ACSF3: variants seen among roughly 807,000 people sequenced by gnomAD.
ACSF3 encodes acyl-CoA synthetase family member 3, also known as malonate--CoA ligase ACSF3, mitochondrial.
A neutral mutation model predicts 53.2 loss-of-function variants in ACSF3; 78 were observed. The ratio of observed to expected loss-of-function variants is 1.47; its 90% confidence interval spans 1.22 to 1.77. ACSF3 has a LOEUF of 1.77. ACSF3 is among the 40% of genes most tolerant of loss of function. The probability of loss-of-function intolerance (pLI) is 0.00; values close to 1 mark genes in which losing one functional copy is unlikely to be tolerated. For missense variants in ACSF3, 937 were observed against 771.1 expected (o/e 1.22, Z -2.55); for synonymous variants, 414 against 333.1 (o/e 1.24, Z -2.65).
chr16:89,134,457 C>G (rs898469681), intron 8 of ACSF3, among the ~76,000 whole-genome samples: 4 of 152,106 alleles, frequency 2.6e-5, no homozygotes, highest in African/African-American at 9.7e-5. Flanking sequence ...GGACACCCTG[C>G]GGGATCCGGA....
At chr16:89,117,340 G>A (rs530946025) in intron 6 of ACSF3, among the ~76,000 whole-genome samples, 5 of 152,328 alleles carry the variant, frequency 3.3e-5, no homozygotes, top group Admixed American at 3.3e-4. Flanking sequence ...GCTGGTGAGT[G>A]ATGCACTTCC....
chr16:89,096,760 A>G (rs977604413), intron 1 of ACSF3, among the ~76,000 whole-genome samples: 1 of 152,172 alleles, frequency 6.6e-6, no homozygotes, highest in African/African-American at 2.4e-5. Context: ...TGGCTAGGCC[A>G]GGCCCTTCTC....
chr16:89,153,891 C>G (rs930265215), intron 10 of ACSF3, 199 bp from the exon 11 acceptor site: 2 of 619,458 alleles, frequency 3.2e-6, no homozygotes, highest in South Asian at 1.9e-5. Flanking sequence ...TGCCGGGCAC[C>G]TCCTGCAGTC....
At chr16:89,112,360 T>G (rs1976795378) in intron 5 of ACSF3, 114 bp downstream of exon 5, 8 of 1,387,550 alleles carry the variant, frequency 5.8e-6, no homozygotes, top group Non-Finnish European at 8.1e-6. Context: ...TTCCATTTCC[T>G]TTCAATGTTC....
intron 8 of ACSF3, among the ~76,000 whole-genome samples, chr16:89,144,501 C>G (rs1322674678): frequency 1.3e-5 from 2 of 152,226 alleles, no homozygotes; most frequent in African/African-American, 4.8e-5. Flanking sequence ...CCTCTCCCAT[C>G]CAGAGGGGCT....
intron 4 of ACSF3, among the ~76,000 whole-genome samples, chr16:89,107,024 A>G (rs1270563846): frequency 6.6e-6 from 1 of 152,232 alleles, no homozygotes; most frequent in Non-Finnish European, 1.5e-5. Context: ...CTTCCTCAGG[A>G]TCGCAGCATG....
chr16:89,123,752 G>A (rs900889380), intron 7 of ACSF3, among the ~76,000 whole-genome samples: 11 of 152,172 alleles, frequency 7.2e-5, no homozygotes, highest in Non-Finnish European at 1.6e-4. Flanking sequence ...GGGGATGGGA[G>A]GACACCTTCC....
intron 1 of ACSF3, among the ~76,000 whole-genome samples, chr16:89,094,352 G>A (rs1237209719): frequency 2.0e-5 from 3 of 152,244 alleles, no homozygotes; most frequent in Non-Finnish European, 4.4e-5. Flanking sequence ...GGCTTCAGAA[G>A]TCACCCTTGA....
chr16:89,122,805 TA>T (rs1254504500), intron 7 of ACSF3: 1 of 152,432 alleles, frequency 6.6e-6, no homozygotes, highest in African/African-American at 2.4e-5. Flanking sequence ...ATTTCTGTCT[TA>T]AATTAAAACA....
intron 7 of ACSF3, among the ~76,000 whole-genome samples, chr16:89,131,956 CCA>C (rs1357064644): frequency 1.6e-4 from 25 of 151,630 alleles, no homozygotes; most frequent in African/African-American, 5.6e-4. Flanking sequence ...CTGGAGGAGC[CCA>C]GGCTGGCGGG....
intron 5 of ACSF3, chr16:89,113,844 C>G (rs1682777810): frequency 3.6e-6 from 1 of 277,070 alleles, no homozygotes; most frequent in Non-Finnish European, 7.1e-6. Flanking sequence ...CCGGCCCCAC[C>G]CCTTGGGTGC....
At chr16:89,100,055 G>A (rs1197127515) in intron 2 of ACSF3, among the ~76,000 whole-genome samples, 2 of 151,264 alleles carry the variant, frequency 1.3e-5, no homozygotes, top group African/African-American at 4.9e-5. Flanking sequence ...GCCACAGGAT[G>A]GCATGAGCCC....
Position 89,134,585 on chromosome 16 carries a change from T to C in ACSF3, c.1366+1323T>C, listed in dbSNP as rs1014559902. Reference sequence around the variant, plus strand: ...CAGAAGAGAGTGTAGTTGCAAGATTTAATAGAGTGAAAACAGAGCTCCCAT... The same window carrying C: ...CAGAAGAGAGTGTAGTTGCAAGATTCAATAGAGTGAAAACAGAGCTCCCAT... On this transcript the variant is annotated intron_variant, in intron 8 of 10. Transcript: ENST00000614302. 2.6e-5 allele frequency among the ~76,000 whole-genome samples: 4 copies of C among 152,280 alleles called. 1 individual carries two copies. The South Asian group carries it at 6.2e-4, about 24-fold the overall frequency.
intron 7 of ACSF3, 78 bp downstream of exon 7, chr16:89,120,991 T>A (rs1906516999): frequency 9.1e-6 from 12 of 1,319,902 alleles, no homozygotes; most frequent in Non-Finnish European, 1.2e-5. Context: ...CTGGTGCATC[T>A]TTCCCCTGGA....
Position 89,137,673 on chromosome 16 carries a change from C to T in ACSF3, c.1366+4411C>T, listed in dbSNP as rs549256662. On this transcript the variant is annotated intron_variant, in intron 8 of 10. Transcript: ENST00000614302. ...GGACTGAGGGGAAGAGCCCCAGGTC[C>T]CAGGAGGACCACCAGGAGCTCACAG... Among the ~76,000 whole-genome samples, 421 of 144,310 alleles carry T rather than the reference C, an allele frequency of 2.9e-3. 5 individuals are homozygous for T. Among genetic ancestry groups the T allele is most frequent in the African/African-American group, 0.01 (397 of 39,262 alleles). 94.7% of individuals were successfully genotyped at this position (144,310 alleles called of 152,430 possible).
At chr16:89,118,660 G>A (rs1905822775) in intron 6 of ACSF3, among the ~76,000 whole-genome samples, 1 of 152,204 alleles carries the variant, frequency 6.6e-6, no homozygotes, top group African/African-American at 2.4e-5. Context: ...ATTCATGGCC[G>A]ACCACTGCTG....
At chr16:89,137,180 C>G (rs1055251058) in intron 8 of ACSF3, among the ~76,000 whole-genome samples, 2 of 152,208 alleles carry the variant, frequency 1.3e-5, no homozygotes, top group Non-Finnish European at 1.5e-5. Context: ...TCTTAGGCTC[C>G]AGCCGGGTGA....
At chr16:89,125,985 G>C (rs1192703058) in intron 7 of ACSF3, among the ~76,000 whole-genome samples, 1 of 152,058 alleles carries the variant, frequency 6.6e-6, no homozygotes, top group Admixed American at 6.5e-5. Flanking sequence ...CGCAAACACG[G>C]TATATCTCTC....
chr16:89,114,574 A>G lies in ACSF3; in HGVS notation c.1126+87A>G. The G allele has an allele frequency of 5.7e-6, 9 of 1,581,004 alleles. No individual in the cohort carries two copies. The South Asian group carries it at 8.9e-5, about 16-fold the overall frequency. On this transcript the variant is annotated intron_variant, in intron 6 of 10. Transcript: ENST00000614302. ...CCAGTCTCGAACCACCCACATTCGG[A>G]CTGAAGGGCGGCATGGAGGATGCTC... is the stretch of plus-strand genomic sequence containing the variant.
Sources: gnomAD v4.1 joint callset for allele counts (sites outside exome capture counted in the v4.1 genomes callset) on GRCh38, gnomAD v4.1.1 for gene constraint, MANE v1.5 for transcripts, NCBI Gene and HGNC (gene_info 2026-07-23, HGNC 2026-07-21) for gene names.